KAZN: variants seen among roughly 807,000 people sequenced by gnomAD.
KAZN encodes kazrin.
KAZN carries 40 observed loss-of-function variants against 87.4 expected under a neutral mutation model. The ratio of observed to expected loss-of-function variants is 0.46; its 90% confidence interval spans 0.36 to 0.60. The LOEUF (loss-of-function observed/expected upper bound fraction) is 0.60, where lower values mean the gene tolerates loss of function less well. KAZN is among the 20% of genes least tolerant of loss of function. The pLI, the probability that KAZN is intolerant of heterozygous loss-of-function variation, is 0.00. For missense variants in KAZN, 898 were observed against 1,073.9 expected (o/e 0.84, Z 2.29); for synonymous variants, 466 against 458.3 (o/e 1.02, Z -0.22).
At chr1:14,019,643 C>T (rs1640732284) in intron 1 of KAZN, among the ~76,000 whole-genome samples, 1 of 152,192 alleles carries the variant, frequency 6.6e-6, no homozygotes. Flanking sequence ...CAGGGTGCTA[C>T]ATTGCCCTAC....
intron 2 of KAZN, among the ~76,000 whole-genome samples, chr1:14,410,080 A>G (rs1296184633): frequency 1.3e-5 from 2 of 152,180 alleles, no homozygotes; most frequent in Non-Finnish European, 2.9e-5. Flanking sequence ...GTTAAACAGA[A>G]CAGAATATTA....
intron 2 of KAZN, among the ~76,000 whole-genome samples, chr1:14,235,057 G>T (rs1648273077): frequency 6.6e-6 from 1 of 152,222 alleles, no homozygotes; most frequent in African/African-American, 2.4e-5. Flanking sequence ...AAGAATTGCG[G>T]TGTATATCCG....
At chr1:14,899,582 G>T (rs1655633378) in intron 1 of KAZN, among the ~76,000 whole-genome samples, 1 of 152,178 alleles carries the variant, frequency 6.6e-6, no homozygotes, top group African/African-American at 2.4e-5. Flanking sequence ...CCGTATGGTA[G>T]ACATCAATGT....
chr1:14,359,106 C>T (rs1456092188), intron 2 of KAZN, among the ~76,000 whole-genome samples: 4 of 152,132 alleles, frequency 2.6e-5, no homozygotes, highest in African/African-American at 7.2e-5. Flanking sequence ...CTGGGTGCTC[C>T]TGTATTGGGT....
At chr1:14,508,405 T>C (rs1670721401) in intron 2 of KAZN, among the ~76,000 whole-genome samples, 1 of 152,134 alleles carries the variant, frequency 6.6e-6, no homozygotes, top group East Asian at 1.9e-4. Flanking sequence ...CTACGGATCT[T>C]CTTATTAGGC....
At chr1:14,368,373 A>G (rs1039672245) in intron 2 of KAZN, among the ~76,000 whole-genome samples, 3 of 152,150 alleles carry the variant, frequency 2.0e-5, no homozygotes, top group Non-Finnish European at 4.4e-5. Context: ...GTTTACCTAG[A>G]AGTGCATTTT....
chr1:14,396,606 TG>T (rs1662922525), intron 2 of KAZN, among the ~76,000 whole-genome samples: 1 of 152,212 alleles, frequency 6.6e-6, no homozygotes, highest in South Asian at 2.1e-4. Flanking sequence ...TTGAAATTAC[TG>T]GGGATGATTT....
chr1:15,038,606 T>C (rs2100272454), intron 3 of KAZN, among the ~76,000 whole-genome samples: 1 of 152,306 alleles, frequency 6.6e-6, no homozygotes, highest in African/African-American at 2.4e-5. Flanking sequence ...ATTGTGCACC[T>C]ACTATATACA....
intron 1 of KAZN, among the ~76,000 whole-genome samples, chr1:14,671,242 A>T (rs539294631): frequency 2.6e-5 from 4 of 152,220 alleles, no homozygotes; most frequent in Non-Finnish European, 5.9e-5. Context: ...TACATGTCTT[A>T]CTTACAGCAT....
At chr1:14,628,842 C>CTTT (rs67908811) in intron 1 of KAZN, among the ~76,000 whole-genome samples, 12 of 126,814 alleles carry the variant, frequency 9.5e-5, no homozygotes, top group African/African-American at 1.5e-4. Flanking sequence ...CTTTCACATT[C>CTTT]TTTTTTTTTT....
At chr1:14,701,305 A>G (rs1437600304) in intron 1 of KAZN, among the ~76,000 whole-genome samples, 1 of 152,122 alleles carries the variant, frequency 6.6e-6, no homozygotes, top group Non-Finnish European at 1.5e-5. Context: ...AATTGTTATT[A>G]TTCTTAGTAG....
At chr1:14,270,328 G>C (rs577069053) in intron 2 of KAZN, among the ~76,000 whole-genome samples, 23 of 152,342 alleles carry the variant, frequency 1.5e-4, no homozygotes, top group African/African-American at 5.5e-4. Context: ...AGTAGGATGT[G>C]TTATTATCAA....
chr1:14,718,115 C>T (rs1020435826), intron 1 of KAZN, among the ~76,000 whole-genome samples: 2 of 152,216 alleles, frequency 1.3e-5, no homozygotes, highest in Non-Finnish European at 1.5e-5. Context: ...AAATTACCCC[C>T]AGGGAGTCTG....
intron 1 of KAZN, among the ~76,000 whole-genome samples, chr1:14,655,755 T>C (rs1638752714): frequency 6.6e-6 from 1 of 152,178 alleles, no homozygotes. Flanking sequence ...AATTCAGCTG[T>C]GTATGCTTAC....
At chr1:14,659,430 T>C (rs1448126037) in intron 1 of KAZN, among the ~76,000 whole-genome samples, 1 of 151,918 alleles carries the variant, frequency 6.6e-6, no homozygotes, top group African/African-American at 2.4e-5. Flanking sequence ...GGGGGAAGTA[T>C]TGGGAAGATA....
At chr1:14,234,522 C>T (rs1395931647) in intron 2 of KAZN, among the ~76,000 whole-genome samples, 1 of 152,158 alleles carries the variant, frequency 6.6e-6, no homozygotes. Context: ...CCTGCACGTT[C>T]TGCACATGTA....
rs1334422758 is a variant in KAZN at position 14,735,594 on chromosome 1, C to G, written c.226+136371C>G. 6.6e-6 allele frequency among the ~76,000 whole-genome samples: 1 copy of G among 152,152 alleles called. No homozygotes were observed. On this transcript the variant is annotated intron_variant, in intron 1 of 14. Transcript: ENST00000376030. The surrounding 1 kb of genome is among the most constrained non-coding windows in gnomAD (Gnocchi z 4.3). ...TAACGGCCGTTTTCACATGGCAGCCCCCCACGCTGAGATCCATATACCCAA... is the reference window on the plus strand; with the variant it reads ...TAACGGCCGTTTTCACATGGCAGCCGCCCACGCTGAGATCCATATACCCAA...
intron 1 of KAZN, among the ~76,000 whole-genome samples, chr1:14,042,599 T>A (rs993563969): frequency 3.9e-5 from 6 of 152,236 alleles, no homozygotes; most frequent in African/African-American, 1.4e-4. Context: ...GTGATACAGA[T>A]GGCATCTAGT....
At chr1:15,085,162 A>G (rs1203761149) in intron 8 of KAZN, among the ~76,000 whole-genome samples, 1 of 152,244 alleles carries the variant, frequency 6.6e-6, no homozygotes, top group Non-Finnish European at 1.5e-5. Flanking sequence ...GAAATTACCA[A>G]GAATGCAACG....
Sources: allele counts gnomAD v4.1 joint callset (sites outside exome capture counted in the v4.1 genomes callset), GRCh38; gene constraint gnomAD v4.1.1; non-coding constraint Gnocchi (gnomAD v3.1); transcripts MANE v1.5; gene names NCBI Gene and HGNC (gene_info 2026-07-23, HGNC 2026-07-21).